The following CSNK1D variants were observed in gnomAD, a reference collection of about 807,000 sequenced individuals.
CSNK1D encodes casein kinase 1 delta.
Under a neutral mutation model 46.6 loss-of-function variants are expected in CSNK1D, and 16 were observed. That is an observed-to-expected ratio of 0.34 (90% CI 0.23 to 0.52). The LOEUF (loss-of-function observed/expected upper bound fraction) is 0.52. Ranked by LOEUF, CSNK1D falls within the 20% of genes least tolerant of loss-of-function variation. The pLI is 0.95. For missense variants in CSNK1D, 398 were observed against 578.4 expected (o/e 0.69, Z 3.20); for synonymous variants, 276 against 228.2 (o/e 1.21, Z -1.89).
Position 82,243,918 on chromosome 17 carries a change from A to G in CSNK1D, c.*863T>C. 1 of 985,850 alleles carries G rather than the reference A, an allele frequency of 1.0e-6. No homozygotes were observed. Among genetic ancestry groups the G allele is most frequent in the Non-Finnish European group, 1.2e-6 (1 of 830,232 alleles). The allele number at this position is 985,850 out of a possible 1,614,324, so 61.1% of individuals were successfully genotyped here. ...TCCCAATTGTCCTGCTAGGGTCTCA[A>G]AGCCTCTGCTTCCAAGCTCTCAGCT... On this transcript the variant is annotated 3_prime_UTR_variant, in exon 9 of 9. Coordinates refer to ENST00000314028, the MANE Select transcript of CSNK1D (RefSeq NM_001893.6).
Position 82,251,293 on chromosome 17 carries a change from C to T in CSNK1D, c.885+86G>A. ...AGAGACACTCCCTATATGGTACAGC[C>T]CCTCAACAAGACGGCCGCCGGCCTC... On this transcript the variant is annotated intron_variant, in intron 6 of 8. Transcript: ENST00000314028. This position sits in a 1 kb window ranked among gnomAD's most constrained non-coding sequence, Gnocchi z 4.5. The T allele has an allele frequency of 6.7e-7, 1 of 1,497,108 alleles. No individual in the cohort carries two copies. The highest frequency in any genetic ancestry group is 9.3e-7 in the Non-Finnish European group (1 of 1,079,114). The allele number at this position is 1,497,108 out of a possible 1,614,324, so 92.7% of individuals were successfully genotyped here. A position where few individuals can be genotyped will look rare whatever the true frequency, so the allele number is the denominator to read the frequency against.
intron 8 of CSNK1D, chr17:82,245,305 G>A (rs2050822447): frequency 6.9e-6 from 2 of 288,676 alleles, no homozygotes; most frequent in African/African-American, 4.3e-5. Flanking sequence ...GAGCGCGCGT[G>A]GCCGCCGAGG....
rs1191569869 is a variant in CSNK1D at position 82,255,094 on chromosome 17, C to T, written c.336+335G>A. On this transcript the variant is annotated intron_variant, in intron 3 of 8. Coordinates refer to ENST00000314028, the MANE Select transcript of CSNK1D (RefSeq NM_001893.6). This position sits in a 1 kb window ranked among gnomAD's most constrained non-coding sequence, Gnocchi z 5.9. Reference sequence around the variant, plus strand: ...GCCTCGAGAAGCCAGTGAGCTGGGCCGCCGGAGCCTCGAGAAGCCAGTGAG... The same window carrying T: ...GCCTCGAGAAGCCAGTGAGCTGGGCTGCCGGAGCCTCGAGAAGCCAGTGAG... 3 of 382,672 alleles carry T rather than the reference C, an allele frequency of 7.8e-6. No individual in the cohort carries two copies. The highest frequency in any genetic ancestry group is 6.7e-5 in the East Asian group (1 of 14,872). 23.7% of individuals were successfully genotyped at this position (382,672 alleles called of 1,614,324 possible).
chr17:82,254,249 G>A (rs1260768870), intron 3 of CSNK1D: 8 of 279,076 alleles, frequency 2.9e-5, no homozygotes, highest in East Asian at 3.6e-4. Context: ...AGTGCAGTGC[G>A]CTGAGCCGCC....
chr17:82,248,498 A>T lies in CSNK1D; in HGVS notation c.1197+377T>A. 1 of 1,100,814 alleles carries T rather than the reference A, an allele frequency of 9.1e-7. No homozygotes were observed. Among genetic ancestry groups the T allele is most frequent in the Non-Finnish European group, 1.1e-6 (1 of 897,406 alleles). The allele number at this position is 1,100,814 out of a possible 1,614,324, so 68.2% of individuals were successfully genotyped here. A position where few individuals can be genotyped will look rare whatever the true frequency, so the allele number is the denominator to read the frequency against. On this transcript the variant is annotated intron_variant, in intron 8 of 8. Transcript: ENST00000314028. The surrounding 1 kb of genome is among the most constrained non-coding windows in gnomAD (Gnocchi z 4.1). ...CCAGTGGCAAGAATGAGGAAGAATG[A>T]GGAAGGCTCCCTCGGGCTGGGGGCA...
chr17:82,242,216 G>GA (rs927426170), downstream of CSNK1D, among the ~76,000 whole-genome samples: 118 of 151,850 alleles, frequency 7.8e-4, no homozygotes, highest in Middle Eastern at 3.5e-3. Flanking sequence ...GTGCTCTGGG[G>GA]GGGGGGGGAA....
intron 2 of CSNK1D, among the ~76,000 whole-genome samples, chr17:82,264,206 G>A (rs2051409757): frequency 6.6e-6 from 1 of 152,226 alleles, no homozygotes; most frequent in Non-Finnish European, 1.5e-5. Context: ...GTTGCCCAAG[G>A]GGACTCACCC....
chr17:82,273,427 G>C lies in CSNK1D; in HGVS notation c.-46C>G. ...CTCCTGCCCTCCCGGCCGCTTCCTG[G>C]GTCTGAACTCTGGGAGGCGGCGCCG... On this transcript the variant is annotated 5_prime_UTR_variant, in exon 1 of 9. Transcript: ENST00000314028. This position sits in a 1 kb window ranked among gnomAD's most constrained non-coding sequence, Gnocchi z 5.1. 6.2e-7 allele frequency: 1 copy of C among 1,605,558 alleles called. No individual in the cohort carries two copies. The highest frequency in any genetic ancestry group is 1.7e-5 in the Admixed American group (1 of 59,664).
rs956437078 is a variant in CSNK1D, at chr17:82,248,849, C to A, written c.1197+26G>T. ...TCGGACGGGGTAGCCCGAGGCCCAG[C>A]GCCCGCCCGGGAGCTCTGCACCTAC... On this transcript the variant is annotated intron_variant, in intron 8 of 8. Transcript: ENST00000314028. This position sits in a 1 kb window ranked among gnomAD's most constrained non-coding sequence, Gnocchi z 4.1. The A allele has an allele frequency of 6.2e-7, 1 of 1,602,092 alleles. No individual in the cohort carries two copies. Among genetic ancestry groups the A allele is most frequent in the East Asian group, 2.3e-5 (1 of 44,424 alleles).
At chr17:82,247,366 C>CTG in intron 8 of CSNK1D, 1 of 985,496 alleles carries the variant, frequency 1.0e-6, no homozygotes, top group Non-Finnish European at 1.2e-6. Context: ...GGACTCAGGG[C>CTG]TGTGGCTACT....
At chr17:82,267,236 T>C (rs1472252806) in intron 1 of CSNK1D, among the ~76,000 whole-genome samples, 1 of 152,134 alleles carries the variant, frequency 6.6e-6, no homozygotes, top group Non-Finnish European at 1.5e-5. Context: ...GTTTCTCTTG[T>C]CAATGGAGAT....
intron 3 of CSNK1D, among the ~76,000 whole-genome samples, chr17:82,254,879 C>T (rs1248563407): frequency 1.6e-5 from 2 of 124,054 alleles, no homozygotes; most frequent in African/African-American, 6.1e-5. Context: ...CGCCGGGGGC[C>T]TCGAGAAGCC....
Position 82,255,350 on chromosome 17 carries a change from A to G in CSNK1D, c.336+79T>C. On this transcript the variant is annotated intron_variant, in intron 3 of 8. Transcript: ENST00000314028. The surrounding 1 kb of genome is among the most constrained non-coding windows in gnomAD (Gnocchi z 5.9). ...TCCTCTGTGAATTAATGGCCATAAT[A>G]ATGGCAAGAACAGCACAAGCGAGTG... is the stretch of plus-strand genomic sequence containing the variant. 2 of 1,522,484 alleles carry G rather than the reference A, an allele frequency of 1.3e-6. No individual in the cohort carries two copies. The highest frequency in any genetic ancestry group is 2.2e-5 in the East Asian group (1 of 44,456). The allele number at this position is 1,522,484 out of a possible 1,614,324, so 94.3% of individuals were successfully genotyped here. A position where few individuals can be genotyped will look rare whatever the true frequency, so the allele number is the denominator to read the frequency against.
Position 82,250,224 on chromosome 17 carries a change from C to A in CSNK1D, c.886-622G>T. 1 of 1,289,590 alleles carries A rather than the reference C, an allele frequency of 7.8e-7. No individual in the cohort carries two copies. The highest frequency in any genetic ancestry group is 1.0e-6 in the Non-Finnish European group (1 of 988,642). 79.9% of individuals were successfully genotyped at this position (1,289,590 alleles called of 1,614,324 possible). A position where few individuals can be genotyped will look rare whatever the true frequency, so the allele number is the denominator to read the frequency against. On this transcript the variant is annotated intron_variant, in intron 6 of 8. Transcript: ENST00000314028. This position sits in a 1 kb window ranked among gnomAD's most constrained non-coding sequence, Gnocchi z 4.6. ...AACTGCCAATGCTGTGCGGCAGGGG[C>A]CTGCAAACTACAGCCCCGGGGCCAA...
Position 82,264,069 on chromosome 17 carries a change from G to A in CSNK1D, c.187+1617C>T, listed in dbSNP as rs940638773. On this transcript the variant is annotated intron_variant, in intron 2 of 8. Coordinates refer to ENST00000314028, the MANE Select transcript of CSNK1D (RefSeq NM_001893.6). ...TGTGTCACATAAACTTAGAAACGTC[G>A]GTTTCTTGTAGTAGCACAGATTACG... Among the ~76,000 whole-genome samples, 7 of 152,328 alleles carry A rather than the reference G, an allele frequency of 4.6e-5. No homozygotes were observed. The South Asian group carries it at 6.2e-4, about 14-fold the overall frequency.
At chr17:82,240,919 C>G (rs1339344422), downstream of CSNK1D, among the ~76,000 whole-genome samples, 3 of 152,178 alleles carry the variant, frequency 2.0e-5, no homozygotes, top group Non-Finnish European at 4.4e-5. Context: ...CTGCTCTGAC[C>G]CGACAGGCAG....
rs567005701 is a variant in CSNK1D, at chr17:82,248,436, G to A, written c.1197+439C>T. On this transcript the variant is annotated intron_variant, in intron 8 of 8. Transcript: ENST00000314028. This position sits in a 1 kb window ranked among gnomAD's most constrained non-coding sequence, Gnocchi z 4.1. ...CATGCCACCAGGGAGGGTCTCACAA[G>A]AAGCCCGTGGAGGTCCCTACGGGCC... is the stretch of plus-strand genomic sequence containing the variant. 4.1e-5 allele frequency: 42 copies of A among 1,024,528 alleles called. No individual in the cohort carries two copies. The South Asian group carries it at 4.5e-4, about 11-fold the overall frequency. The allele number at this position is 1,024,528 out of a possible 1,614,324, so 63.5% of individuals were successfully genotyped here.
intron 2 of CSNK1D, among the ~76,000 whole-genome samples, chr17:82,264,763 C>G (rs1344365798): frequency 1.3e-5 from 2 of 152,052 alleles, no homozygotes; most frequent in Non-Finnish European, 2.9e-5. Context: ...GCACACGACA[C>G]CACGGGGAGC....
intron 2 of CSNK1D, among the ~76,000 whole-genome samples, chr17:82,263,804 C>T (rs1269916860): frequency 6.6e-6 from 1 of 152,262 alleles, no homozygotes; most frequent in African/African-American, 2.4e-5. Flanking sequence ...CCACCCTGCT[C>T]TATTGGCTCG....
Sources: gnomAD v4.1 joint callset for allele counts (sites outside exome capture counted in the v4.1 genomes callset) on GRCh38, gnomAD v4.1.1 for gene constraint, Gnocchi (gnomAD v3.1) non-coding constraint, MANE v1.5 for transcripts, NCBI Gene and HGNC (gene_info 2026-07-23, HGNC 2026-07-21) for gene names.